SAXO1: variants seen among roughly 807,000 people sequenced by gnomAD.
The protein encoded by SAXO1 is stabilizer of axonemal microtubules 1.
In SAXO1, 21 loss-of-function variants were observed where a neutral mutation model predicts 17.5. That is an observed-to-expected ratio of 1.20 (90% CI 0.85 to 1.72). The LOEUF is 1.72. Ranked by LOEUF, SAXO1 falls within the 40% of genes most tolerant of loss-of-function variation. The pLI, the probability that SAXO1 is intolerant of heterozygous loss-of-function variation, is 0.00. For synonymous variants in SAXO1, 274 were observed against 216.5 expected, an observed-to-expected ratio of 1.27 and a Z score of -2.33; for missense variants, 843 against 596.0, an observed-to-expected ratio of 1.41 and a Z score of -4.32.
intron 1 of SAXO1, among the ~76,000 whole-genome samples, chr9:18,969,230 C>T (rs1179071652): frequency 1.3e-5 from 2 of 152,150 alleles, no homozygotes; most frequent in African/African-American, 2.4e-5. Context: ...AAATGCAGAG[C>T]CAACAACCAA....
chr9:18,955,854 T>C (rs1306761723), intron 1 of SAXO1, among the ~76,000 whole-genome samples: 2 of 152,086 alleles, frequency 1.3e-5, no homozygotes, highest in African/African-American at 4.8e-5. Flanking sequence ...TTACTGGCTA[T>C]GACTCTTCTG....
At chr9:18,987,310 A>G (rs1833632753) in intron 1 of SAXO1, among the ~76,000 whole-genome samples, 1 of 152,200 alleles carries the variant, frequency 6.6e-6, no homozygotes, top group Non-Finnish European at 1.5e-5. Context: ...AACAAACTCC[A>G]AGATGACAGA....
chr9:18,961,851 C>A (rs1832499534), intron 1 of SAXO1, among the ~76,000 whole-genome samples: 1 of 152,102 alleles, frequency 6.6e-6, no homozygotes, highest in African/African-American at 2.4e-5. Flanking sequence ...TGGTTATATA[C>A]CCAGTAATGG....
chr9:18,962,787 T>C (rs1037995023), intron 1 of SAXO1, among the ~76,000 whole-genome samples: 1 of 152,240 alleles, frequency 6.6e-6, no homozygotes, highest in Non-Finnish European at 1.5e-5. Flanking sequence ...TCTTTTGCTG[T>C]GCAGAAGCTC....
chr9:18,996,063 G>C (rs1588499596), intron 1 of SAXO1, among the ~76,000 whole-genome samples: 1 of 136,118 alleles, frequency 7.3e-6, no homozygotes, highest in East Asian at 2.0e-4. Context: ...TCAGCAACAA[G>C]AGTGAAACTA....
chr9:19,028,738 G>A (rs1288534434), intron 1 of SAXO1, among the ~76,000 whole-genome samples: 1 of 152,084 alleles, frequency 6.6e-6, no homozygotes, highest in Non-Finnish European at 1.5e-5. Context: ...TGAGCTTGAC[G>A]CAGTAAAATA....
At chr9:18,962,249 GT>G (rs1832518734) in intron 1 of SAXO1, among the ~76,000 whole-genome samples, 3 of 151,976 alleles carry the variant, frequency 2.0e-5, no homozygotes, top group Non-Finnish European at 4.4e-5. Context: ...TGTATTTTTA[GT>G]AGAGTCGGGG....
At chr9:19,018,471 A>G (rs1004305815) in intron 1 of SAXO1, among the ~76,000 whole-genome samples, 41 of 152,300 alleles carry the variant, frequency 2.7e-4, no homozygotes, top group African/African-American at 9.6e-4. Context: ...ATTAGAAGAG[A>G]AACATGGGTC....
chr9:18,971,165 C>G (rs1201876577), intron 1 of SAXO1, among the ~76,000 whole-genome samples: 1 of 152,186 alleles, frequency 6.6e-6, no homozygotes, highest in Non-Finnish European at 1.5e-5. Flanking sequence ...TCTGCAGCAG[C>G]AAGTGGCGGA....
chr9:18,965,241 G>T (rs1314472645), intron 1 of SAXO1, among the ~76,000 whole-genome samples: 1 of 152,196 alleles, frequency 6.6e-6, no homozygotes, highest in East Asian at 1.9e-4. Context: ...TGTTGATTTG[G>T]AGTGGAGAGT....
intron 1 of SAXO1, among the ~76,000 whole-genome samples, chr9:18,968,601 T>C (rs1832824253): frequency 6.6e-6 from 1 of 150,888 alleles, no homozygotes; most frequent in South Asian, 2.1e-4. Flanking sequence ...CCTTTTTGTT[T>C]TTTTTTTTTG....
chr9:19,038,036 G>A (rs950400825), upstream of SAXO1, among the ~76,000 whole-genome samples: 13 of 152,204 alleles, frequency 8.5e-5, no homozygotes, highest in African/African-American at 3.1e-4. Context: ...TCAGAGAAAT[G>A]CAAATCAAAA....
chr9:19,023,514 CAGTT>C (rs1383532982), intron 1 of SAXO1, among the ~76,000 whole-genome samples: 6 of 152,208 alleles, frequency 3.9e-5, no homozygotes, highest in Non-Finnish European at 5.9e-5. Context: ...TAACATGACA[CAGTT>C]AGGGAGCAGA....
intron 1 of SAXO1, among the ~76,000 whole-genome samples, chr9:18,985,752 C>G (rs749959887): frequency 9.2e-5 from 14 of 152,182 alleles, no homozygotes; most frequent in Admixed American, 2.0e-4. Context: ...GAACAAGGTG[C>G]AACATGGTTT....
rs1447156865 is a variant in SAXO1, at chr9:18,950,873, A to T, written c.103T>A (p.Ser35Thr). 6.2e-7 allele frequency: 1 copy of T among 1,613,428 alleles called. No individual in the cohort carries two copies. The highest frequency in any genetic ancestry group is 8.5e-7 in the Non-Finnish European group (1 of 1,179,686). The change falls in exon 2 of 4, where the codon TCC becomes ACC. Residue 35 changes from serine to threonine, a missense_variant. Transcript: ENST00000380534. ...YDKTEKPCLL[S>T]EYTENYPFYH... ...AAAGGGTAGTTCTCGGTATATTCGGAGAGAAGACATGGTTTCTCTGTTTTA... is the reference window on the plus strand; with the variant it reads ...AAAGGGTAGTTCTCGGTATATTCGGTGAGAAGACATGGTTTCTCTGTTTTA...
chr9:19,002,081 A>G (rs1834297512), intron 1 of SAXO1, among the ~76,000 whole-genome samples: 1 of 152,232 alleles, frequency 6.6e-6, no homozygotes, highest in Non-Finnish European at 1.5e-5. Context: ...CTGATCCCAC[A>G]GAAATACAAA....
intron 1 of SAXO1, chr9:19,026,904 T>A: frequency 2.7e-6 from 2 of 745,488 alleles, no homozygotes; most frequent in Non-Finnish European, 5.0e-6. Context: ...GGCAACCGTG[T>A]GGGATGAGGC....
chr9:19,023,140 T>TCCCCCCCCCCCCC (rs200594848), intron 1 of SAXO1, among the ~76,000 whole-genome samples: 1 of 100,824 alleles, frequency 9.9e-6, no homozygotes, highest in Non-Finnish European at 2.0e-5. Context: ...CCAGATTACA[T>TCCCCCCCCCCCCC]CCCCCCCCAC....
rs550238366 is a variant in SAXO1, at chr9:18,998,791, A to G, written c.38+34080T>C. The stretch of plus-strand genomic sequence containing the variant: ...TCTGCAGAAACCCTACAAGCCAGAA[A>G]AAGGGGCCATTATTCAACATTCTTA... On this transcript the variant is annotated intron_variant, in intron 1 of 3. Coordinates refer to ENST00000380534, the MANE Select transcript of SAXO1 (RefSeq NM_153707.4). Among the ~76,000 whole-genome samples the G allele has an allele frequency of 3.0e-3, 459 of 151,810 alleles. 8 individuals carry two copies. In the South Asian group the frequency reaches 0.044, roughly 15 times the overall value.
Sources: gnomAD v4.1 joint callset for allele counts (sites outside exome capture counted in the v4.1 genomes callset) on GRCh38, gnomAD v4.1.1 for gene constraint, MANE v1.5 for transcripts, NCBI Gene and HGNC (gene_info 2026-07-23, HGNC 2026-07-21) for gene names.